The following DNLZ variants were observed in gnomAD, a reference collection of about 807,000 sequenced individuals.
DNLZ encodes the protein DNL-type zinc finger protein.
DNLZ carries 15 observed loss-of-function variants against 7.8 expected under a neutral mutation model. The ratio of observed to expected loss-of-function variants is 1.91; its 90% CI spans 1.28 to 2.95. The LOEUF is 2.95. Among genes scored for constraint, DNLZ ranks in the 30% most tolerant of loss-of-function variants. The pLI, the probability that DNLZ is intolerant of heterozygous loss-of-function variation, is 0.00. For synonymous variants in DNLZ, 123 were observed against 77.8 expected, an observed-to-expected ratio of 1.58 and a Z score of -3.05; for missense variants, 255 against 167.3, an observed-to-expected ratio of 1.52 and a Z score of -2.89.
chr9:136,362,411 G>A (rs910579757), intron 2 of DNLZ, among the ~76,000 whole-genome samples: 1 of 152,226 alleles, frequency 6.6e-6, no homozygotes, highest in Non-Finnish European at 1.5e-5. Flanking sequence ...TGCCCCCTAT[G>A]TGCCAGAGGG....
intron 1 of DNLZ, 166 bp downstream of exon 1, chr9:136,363,321 C>T (rs1833018942): frequency 4.4e-6 from 3 of 689,258 alleles, no homozygotes; most frequent in East Asian, 5.4e-5. Context: ...TCCACCCCTC[C>T]TCATGGTCCG....
In DNLZ at chr9:136,363,629, C is replaced by A; in HGVS notation, c.86G>T (p.Arg29Leu). ...RAPCLRRLWG[R>L]GARPEVAGRR... ...CCCCGCGACCTCTGGACGGGCCCCGCGGCCCCACAGCCGCCTCAGGCAGGG... is the reference window on the plus strand; with the variant it reads ...CCCCGCGACCTCTGGACGGGCCCCGAGGCCCCACAGCCGCCTCAGGCAGGG... The change falls in exon 1 of 3, where the codon CGC becomes CTC. Residue 29 changes from arginine to leucine, a missense_variant. Transcript: ENST00000371738. The A allele has an allele frequency of 2.2e-6, 1 of 459,966 alleles. No homozygotes were observed. Among genetic ancestry groups the A allele is most frequent in the South Asian group, 3.6e-5 (1 of 28,048 alleles). The allele number at this position is 459,966 out of a possible 1,614,324, so 28.5% of individuals were successfully genotyped here. A position where few individuals can be genotyped will look rare whatever the true frequency, so the allele number is the denominator to read the frequency against.
intron 2 of DNLZ, 112 bp downstream of exon 2, chr9:136,362,877 C>G (rs1385542989): frequency 3.1e-6 from 3 of 954,692 alleles, no homozygotes; most frequent in Non-Finnish European, 4.9e-6. Flanking sequence ...GATAAGGTGG[C>G]TGGATTTCCC....
At chr9:136,362,922 G>C (rs1169410641) in intron 2 of DNLZ, 67 bp downstream of exon 2, 1 of 1,512,782 alleles carries the variant, frequency 6.6e-7, no homozygotes, top group African/African-American at 1.4e-5. Context: ...CTAGGGCAAG[G>C]TTCCCCCAGG....
chr9:136,362,790 C>T (rs938042532), intron 2 of DNLZ, among the ~76,000 whole-genome samples, 199 bp downstream of exon 2: 2 of 152,236 alleles, frequency 1.3e-5, no homozygotes, highest in South Asian at 4.1e-4. Flanking sequence ...AAACGCACCC[C>T]CTACTTGGGG....
In DNLZ at chr9:136,362,058, C is replaced by A; in HGVS notation, c.491G>T (p.Gly164Val). Residue 164 changes from glycine (G) to valine (V), a missense_variant, in exon 3 of 3, where the codon GGT becomes GTT. Transcript: ENST00000371738. ...APTSTAAPEAGEDEGPPSPGK... is the reference protein window; with the variant it reads ...APTSTAAPEAVEDEGPPSPGK... Reference sequence around the variant, plus strand: ...AGGGCTGGGGGGACCCTCATCCTCACCCGCTTCCGGAGCTGCAGTGGATGT... The same window carrying A: ...AGGGCTGGGGGGACCCTCATCCTCAACCGCTTCCGGAGCTGCAGTGGATGT... The A allele has an allele frequency of 1.4e-6, 2 of 1,420,038 alleles. No homozygotes were observed. The highest frequency in any genetic ancestry group is 1.5e-5 in the South Asian group (1 of 64,630). The allele number at this position is 1,420,038 out of a possible 1,614,324, so 88.0% of individuals were successfully genotyped here.
At chr9:136,362,298 T>A in intron 2 of DNLZ, 118 bp from the exon 3 acceptor site, 1 of 939,800 alleles carries the variant, frequency 1.1e-6, no homozygotes, top group Non-Finnish European at 1.4e-6. Context: ...AGCACTCCTG[T>A]GGCATCAGGC....
At position 136,361,873 on chromosome 9, in the gene DNLZ, A is replaced by C; in HGVS notation, c.*139T>G. ...CAATCGTTCTAACTCCAGAAAAAGA[A>C]AGGCCACGAGGGCCACAGGCCCCAG... On this transcript the variant is annotated 3_prime_UTR_variant, in exon 3 of 3. Coordinates refer to ENST00000371738, the MANE Select transcript of DNLZ (RefSeq NM_001080849.3). 1.6e-6 allele frequency: 1 copy of C among 618,204 alleles called. No individual in the cohort carries two copies. The highest frequency in any genetic ancestry group is 2.3e-6 in the Non-Finnish European group (1 of 425,922). 38.3% of individuals were successfully genotyped at this position (618,204 alleles called of 1,614,324 possible).
intron 1 of DNLZ, 61 bp downstream of exon 1, chr9:136,363,426 C>T: frequency 1.3e-6 from 1 of 761,146 alleles, no homozygotes; most frequent in Non-Finnish European, 2.4e-6. Context: ...CCGCTTCTCC[C>T]CGCAGGCCGT....
At chr9:136,362,225 GC>G in intron 2 of DNLZ, 45 bp from the exon 3 acceptor site, 1 of 1,436,282 alleles carries the variant, frequency 7.0e-7, no homozygotes, top group Non-Finnish European at 9.2e-7. Flanking sequence ...CCCCCCAGCC[GC>G]CCTGCACTTC....
rs373798889 is a variant in DNLZ at position 136,362,322 on chromosome 9, C to A, written c.369-142G>T. ...GTGGCATCAGGCCACACGGGCACTT[C>A]AGACGCTGGCCTGTGTGCCCTCACC... On this transcript the variant is annotated intron_variant, in intron 2 of 2. Coordinates refer to ENST00000371738, the MANE Select transcript of DNLZ (RefSeq NM_001080849.3). 186 of 691,082 alleles carry A rather than the reference C, an allele frequency of 2.7e-4. 4 individuals are homozygous for A. In the South Asian group the frequency reaches 7.8e-3, roughly 29 times the overall value. 42.8% of individuals were successfully genotyped at this position (691,082 alleles called of 1,614,324 possible). A position where few individuals can be genotyped will look rare whatever the true frequency, so the allele number is the denominator to read the frequency against.
chr9:136,362,090 C>T lies in DNLZ; in HGVS notation c.459G>A (p.Gly153=). 6.8e-7 allele frequency: 1 copy of T among 1,467,162 alleles called. No homozygotes were observed. 90.9% of individuals were successfully genotyped at this position (1,467,162 alleles called of 1,614,324 possible). The part of the protein sequence containing the change: ...GALELVLEAA[G]APTSTAAPEA... ...CCGGAGCTGCAGTGGATGTGGGGGC[C>T]CCTGCAGCCTCCAGAACCAGTTCCA... Residue 153 remains glycine (G), a synonymous_variant, in exon 3 of 3, where the codon GGG becomes GGA. Coordinates refer to ENST00000371738, the MANE Select transcript of DNLZ (RefSeq NM_001080849.3).
rs1274033252 is a variant in DNLZ at position 136,363,088 on chromosome 9, G to A, written c.269C>T (p.Ala90Val). Residue 90 changes from alanine (A) to valine (V), a missense_variant, in exon 2 of 3, where the codon GCC (alanine) becomes GTC (valine). Ala to Val is a moderately conservative substitution (Grantham distance 64). Coordinates refer to ENST00000371738, the MANE Select transcript of DNLZ (RefSeq NM_001080849.3). ...CACAATGACCACGCCTTGGTGATAG[G>A]CCAGCTTGGAGATGCGCTTGGAGGA... ...TRSSKRISKL[A>V]YHQGVVIVTC... The A allele has an allele frequency of 1.2e-6, 2 of 1,613,632 alleles. No individual in the cohort carries two copies. The highest frequency in any genetic ancestry group is 1.7e-6 in the Non-Finnish European group (2 of 1,179,988).
At chr9:136,363,412 C>G in intron 1 of DNLZ, 75 bp downstream of exon 1, 1 of 757,138 alleles carries the variant, frequency 1.3e-6, no homozygotes, top group East Asian at 2.4e-5. Context: ...GGATCCCCGG[C>G]GGGCCGCTTC....
chr9:136,362,433 G>A (rs1241605852), intron 2 of DNLZ, among the ~76,000 whole-genome samples: 1 of 152,228 alleles, frequency 6.6e-6, no homozygotes, highest in Middle Eastern at 3.2e-3. Flanking sequence ...AGAATCTGCA[G>A]CCCCGGGTCT....
exon 1 of DNLZ, chr9:136,363,732 TCCGCCCTGCCCCGGCCCCGC>T (rs567735744): frequency 1.1e-5 from 4 of 375,596 alleles, no homozygotes; most frequent in Non-Finnish European, 1.9e-5. Context: ...GCCGGCTCCG[TCCGCCCTGCCCCGGCCCCGC>T]CCCGCCGCCA....
At position 136,359,532 on chromosome 9, in the gene DNLZ, G is replaced by A. The variant is rs1385096679; in HGVS notation, c.*2480C>T. The A allele has an allele frequency of 6.6e-6, 1 of 152,340 alleles. No homozygotes were observed. Among genetic ancestry groups the A allele is most frequent in the African/African-American group, 2.4e-5 (1 of 41,428 alleles). The allele number at this position is 152,340 out of a possible 1,614,324, so 9.4% of individuals were successfully genotyped here. On this transcript the variant is annotated 3_prime_UTR_variant, in exon 3 of 3. Coordinates refer to ENST00000371738, the MANE Select transcript of DNLZ (RefSeq NM_001080849.3). ...CTCACGTCTGTGCCATGTTGTCAAT[G>A]GGTCCTTTCCAACCCAAGAGGTACA...
At position 136,363,589 on chromosome 9, in the gene DNLZ, C is replaced by G; in HGVS notation, c.126G>C (p.Trp42Cys). 1.7e-6 allele frequency: 1 copy of G among 600,646 alleles called. No homozygotes were observed. The highest frequency in any genetic ancestry group is 1.8e-5 in the South Asian group (1 of 55,506). 37.2% of individuals were successfully genotyped at this position (600,646 alleles called of 1,614,324 possible). The change falls in exon 1 of 3, where the codon TGG (tryptophan) becomes TGC (cysteine). Residue 42 changes from tryptophan to cysteine, a missense_variant. Transcript: ENST00000371738. ...RPEVAGRRRA[W>C]AWGWRRSSSE... is the part of the protein sequence containing the mutation. ...AGCTTGAGCGCCGCCAGCCCCAGGC[C>G]CAGGCCCGCCGCCTCCCCGCGACCT...
Position 136,363,103 on chromosome 9 carries a change from C to G in DNLZ, c.254G>C (p.Arg85Pro). ...TTGGTGATAGGCCAGCTTGGAGATG[C>G]GCTTGGAGGACCTAGTCCCGCAGAC... ...CKVCGTRSSKRISKLAYHQGV... is the reference protein window; with the variant it reads ...CKVCGTRSSKPISKLAYHQGV... The change falls in exon 2 of 3, where the codon CGC (arginine) becomes CCC (proline). Residue 85 changes from arginine to proline, a missense_variant. Transcript: ENST00000371738. 1 of 1,613,482 alleles carries G rather than the reference C, an allele frequency of 6.2e-7. No homozygotes were observed. Among genetic ancestry groups the G allele is most frequent in the Non-Finnish European group, 8.5e-7 (1 of 1,179,972 alleles).
Sources: gnomAD v4.1 joint callset for allele counts (sites outside exome capture counted in the v4.1 genomes callset) on GRCh38, gnomAD v4.1.1 for gene constraint, MANE v1.5 for transcripts, NCBI Gene and HGNC (gene_info 2026-07-23, HGNC 2026-07-21) for gene names.